The following CCDC178 variants were observed in gnomAD, a reference collection of about 807,000 sequenced individuals.
CCDC178 encodes the protein coiled-coil domain containing 178, also known as coiled-coil domain-containing protein 178.
A neutral mutation model predicts 117.4 loss-of-function variants in CCDC178; 126 were observed. The observed-to-expected ratio is 1.07, with a 90% confidence interval of 0.93 to 1.24. The LOEUF is 1.24. Ranked by LOEUF, CCDC178 falls within the 50% of genes most tolerant of loss-of-function variation. CCDC178 has a pLI of 0.00. For synonymous variants in CCDC178, 283 were observed against 313.4 expected (o/e 0.90, Z 1.02); for missense variants, 1,030 against 986.9 (o/e 1.04, Z -0.59).
intron 20 of CCDC178, among the ~76,000 whole-genome samples, chr18:33,194,900 C>CAA (rs530764182): frequency 3.0e-3 from 165 of 55,612 alleles, no homozygotes; most frequent in East Asian, 9.8e-3. Context: ...TCTGTTTCTA[C>CAA]AAAAAAAAAA....
intron 21 of CCDC178, among the ~76,000 whole-genome samples, chr18:32,982,675 C>A (rs1360790396): frequency 6.6e-6 from 1 of 152,066 alleles, no homozygotes; most frequent in Non-Finnish European, 1.5e-5. Flanking sequence ...TCTCCACATG[C>A]AACATGAAAA....
intron 12 of CCDC178, among the ~76,000 whole-genome samples, chr18:33,276,608 T>C (rs2059953195): frequency 6.6e-6 from 1 of 151,972 alleles, no homozygotes; most frequent in South Asian, 2.1e-4. Flanking sequence ...AGGCTAAGGG[T>C]AGAATCAACT....
chr18:33,252,388 T>G lies in CCDC178; in HGVS notation c.1410-6960A>C, dbSNP rs980346611. 2.6e-5 allele frequency among the ~76,000 whole-genome samples: 4 copies of G among 151,774 alleles called. No individual in the cohort carries two copies. The South Asian group carries it at 6.2e-4, about 24-fold the overall frequency. On this transcript the variant is annotated intron_variant, in intron 14 of 22. Transcript: ENST00000383096. ...AAAAAAAAGTCTAAAATGGGCTAACTAACATGTGGGTGAGTAGTTAATTTT... is the reference window on the plus strand; with the variant it reads ...AAAAAAAAGTCTAAAATGGGCTAACGAACATGTGGGTGAGTAGTTAATTTT...
chr18:33,239,655 T>A (rs2059463560), intron 15 of CCDC178, among the ~76,000 whole-genome samples: 1 of 150,756 alleles, frequency 6.6e-6, no homozygotes, highest in Non-Finnish European at 1.5e-5. Context: ...TAAGAGAAAA[T>A]TTGTAAACAC....
intron 15 of CCDC178, among the ~76,000 whole-genome samples, chr18:33,238,242 G>GA (rs1054235115): frequency 1.3e-5 from 2 of 151,946 alleles, no homozygotes; most frequent in Non-Finnish European, 2.9e-5. Flanking sequence ...CAATAAACAT[G>GA]AAAAAGCAAG....
At chr18:33,324,987 T>C (rs555340855) in intron 10 of CCDC178, among the ~76,000 whole-genome samples, 162 of 151,802 alleles carry the variant, frequency 1.1e-3, no homozygotes, top group Non-Finnish European at 1.7e-3. Flanking sequence ...TTCTATTTGG[T>C]GTTTTAATTA....
intron 20 of CCDC178, 47 bp downstream of exon 20, chr18:33,211,849 T>C: frequency 6.7e-7 from 1 of 1,493,780 alleles, no homozygotes; most frequent in Non-Finnish European, 9.0e-7. Flanking sequence ...CTAATTTGAC[T>C]ATCACTATAT....
At chr18:33,345,834 T>C (rs2062884702) in intron 9 of CCDC178, among the ~76,000 whole-genome samples, 1 of 152,152 alleles carries the variant, frequency 6.6e-6, no homozygotes, top group Non-Finnish European at 1.5e-5. Flanking sequence ...CAAAACAATA[T>C]GGTCACTCTA....
chr18:33,410,619 G>A (rs1338359827), intron 3 of CCDC178, among the ~76,000 whole-genome samples: 3 of 152,114 alleles, frequency 2.0e-5, no homozygotes, highest in Admixed American at 6.5e-5. Flanking sequence ...CTAAATGACT[G>A]CTTTCAATTA....
At chr18:33,302,515 G>A (rs2062190120) in intron 11 of CCDC178, among the ~76,000 whole-genome samples, 1 of 152,094 alleles carries the variant, frequency 6.6e-6, no homozygotes, top group Non-Finnish European at 1.5e-5. Context: ...TCACTACTGG[G>A]CATTTATCCA....
chr18:32,963,644 G>A (rs574965862), intron 22 of CCDC178, among the ~76,000 whole-genome samples: 1 of 152,006 alleles, frequency 6.6e-6, no homozygotes, highest in Admixed American at 6.6e-5. Flanking sequence ...TTTTGTCGAT[G>A]TACCCTCACC....
chr18:33,184,956 A>G (rs2058772975), intron 20 of CCDC178, among the ~76,000 whole-genome samples: 2 of 152,190 alleles, frequency 1.3e-5, no homozygotes, highest in African/African-American at 4.8e-5. Context: ...ACTGAAGTGA[A>G]GCAGAATAGA....
intron 22 of CCDC178, among the ~76,000 whole-genome samples, chr18:32,946,814 C>T (rs1246730518): frequency 6.8e-6 from 1 of 146,074 alleles, no homozygotes; most frequent in African/African-American, 2.5e-5. Flanking sequence ...GAGTCTCGCT[C>T]TGTCACCCAG....
intron 12 of CCDC178, among the ~76,000 whole-genome samples, chr18:33,268,134 T>A (rs2059841789): frequency 6.6e-6 from 1 of 151,816 alleles, no homozygotes. Context: ...TAGTCTTTTT[T>A]GAACTGCATT....
chr18:32,970,093 A>G (rs1340340921), intron 22 of CCDC178, among the ~76,000 whole-genome samples: 2 of 152,002 alleles, frequency 1.3e-5, no homozygotes, highest in Admixed American at 1.3e-4. Flanking sequence ...CGCTCATATT[A>G]AAATTGTGGT....
chr18:32,972,274 G>A (rs1373328477), intron 22 of CCDC178, among the ~76,000 whole-genome samples: 2 of 152,064 alleles, frequency 1.3e-5, no homozygotes, highest in Non-Finnish European at 2.9e-5. Context: ...ATTAAATAGG[G>A]AATCCTTTCC....
chr18:33,124,039 A>C (rs1054296154), intron 20 of CCDC178, among the ~76,000 whole-genome samples: 1 of 152,144 alleles, frequency 6.6e-6, no homozygotes, highest in Non-Finnish European at 1.5e-5. Context: ...TGTAAACATG[A>C]CAAATGCCTG....
chr18:33,408,527 A>G (rs1196952093), intron 3 of CCDC178, among the ~76,000 whole-genome samples: 1 of 151,944 alleles, frequency 6.6e-6, no homozygotes, highest in Non-Finnish European at 1.5e-5. Context: ...ATTTATATGT[A>G]ATATATAAAA....
intron 21 of CCDC178, among the ~76,000 whole-genome samples, chr18:33,060,359 T>G (rs1002003553): frequency 6.6e-6 from 1 of 152,208 alleles, no homozygotes; most frequent in East Asian, 1.9e-4. Context: ...TAATATTATT[T>G]GAGGAAACTC....
Sources: gnomAD v4.1 joint callset for allele counts (sites outside exome capture counted in the v4.1 genomes callset) on GRCh38, gnomAD v4.1.1 for gene constraint, MANE v1.5 for transcripts, NCBI Gene and HGNC (gene_info 2026-07-23, HGNC 2026-07-21) for gene names.